Variants in C11orf65 observed in about 807,000 individuals in gnomAD.
C11orf65 encodes the protein chromosome 11 open reading frame 65, also known as protein MFI.
In C11orf65, 38 loss-of-function variants were observed where a neutral mutation model predicts 35.3. The observed-to-expected ratio is 1.08, with a 90% confidence interval of 0.83 to 1.41. The LOEUF is 1.41. Among genes scored for constraint, C11orf65 ranks in the 40% most tolerant of loss-of-function variants. The probability of loss-of-function intolerance (pLI) is 0.00; values close to 1 mark genes in which losing one functional copy is unlikely to be tolerated. For synonymous variants in C11orf65, 105 were observed against 114.4 expected (o/e 0.92, Z 0.53); for missense variants, 370 against 367.1 (o/e 1.01, Z -0.06).
At chr11:108,335,225 A>G (rs1446951322) in exon 3 of C11orf65, 1 of 1,567,856 alleles carries the variant, frequency 6.4e-7, no homozygotes, top group Admixed American at 1.8e-5. Flanking sequence ...CTTACAAATG[A>G]GGAAGATTTG....
intron 3 of C11orf65, among the ~76,000 whole-genome samples, chr11:108,412,485 A>T (rs2092675430): frequency 6.6e-6 from 1 of 152,202 alleles, no homozygotes; most frequent in African/African-American, 2.4e-5. Flanking sequence ...TCCACAAGCA[A>T]CCCACTTTAA....
At chr11:108,384,089 T>C (rs145200217) in intron 8 of C11orf65, among the ~76,000 whole-genome samples, 37 of 152,302 alleles carry the variant, frequency 2.4e-4, no homozygotes, top group African/African-American at 8.4e-4. Flanking sequence ...CTTGAACTCT[T>C]TGCCTCAAGT....
chr11:108,406,549 A>G (rs1234889511), intron 5 of C11orf65, among the ~76,000 whole-genome samples: 2 of 152,228 alleles, frequency 1.3e-5, no homozygotes, highest in African/African-American at 4.8e-5. Flanking sequence ...TTCAAAGCTG[A>G]TAATTAAAAG....
At chr11:108,371,125 G>A (rs1424941098) in intron 2 of C11orf65, among the ~76,000 whole-genome samples, 1 of 152,120 alleles carries the variant, frequency 6.6e-6, no homozygotes. Context: ...TTCCCATACT[G>A]GGACAGAAAC....
At chr11:108,388,409 A>C (rs1210433213) in intron 7 of C11orf65, among the ~76,000 whole-genome samples, 1 of 152,214 alleles carries the variant, frequency 6.6e-6, no homozygotes, top group East Asian at 1.9e-4. Context: ...TCACGAAGAA[A>C]TTTGTAGAAA....
intron 6 of C11orf65, among the ~76,000 whole-genome samples, chr11:108,324,982 T>C (rs938232162): frequency 1.3e-5 from 2 of 152,204 alleles, no homozygotes; most frequent in African/African-American, 4.8e-5. Flanking sequence ...AGGCATTCTT[T>C]ATGATAGGTC....
chr11:108,440,989 A>G (rs1024660403), intron 2 of C11orf65, among the ~76,000 whole-genome samples: 13 of 152,160 alleles, frequency 8.5e-5, no homozygotes, highest in Admixed American at 7.9e-4. Flanking sequence ...CAGTGGGTGC[A>G]GCCCAAGGAG....
intron 2 of C11orf65, among the ~76,000 whole-genome samples, chr11:108,359,136 G>A (rs1439208857): frequency 1.3e-5 from 2 of 149,588 alleles, no homozygotes; most frequent in Admixed American, 6.7e-5. Flanking sequence ...AAAAGGCAGG[G>A]GTTGCAATCC....
At chr11:108,424,956 A>G (rs1318164543) in intron 3 of C11orf65, among the ~76,000 whole-genome samples, 1 of 152,218 alleles carries the variant, frequency 6.6e-6, no homozygotes, top group African/African-American at 2.4e-5. Flanking sequence ...TTTGAAACCA[A>G]TGAGAACAAA....
At chr11:108,397,727 C>T (rs536853255) in intron 6 of C11orf65, among the ~76,000 whole-genome samples, 2 of 152,256 alleles carry the variant, frequency 1.3e-5, no homozygotes, top group Admixed American at 1.3e-4. Flanking sequence ...TTCTCATTCA[C>T]CCCCTGCAAC....
rs916783998 is a variant in C11orf65, at chr11:108,347,221, A to G, written c.227-11929T>C. ...AGTGGTCTTAATTGAAATTATGGCT[A>G]TATATTAGAAAGAGATGGAATCAGT... On this transcript the variant is annotated intron_variant, in intron 2 of 3. Coordinates refer to the C11orf65 transcript ENST00000524755. The G allele has an allele frequency of 4.7e-6, 6 of 1,268,728 alleles. No homozygotes were observed. The East Asian group carries it at 7.0e-5, about 15-fold the overall frequency. 78.6% of individuals were successfully genotyped at this position (1,268,728 alleles called of 1,614,324 possible).
At chr11:108,457,861 A>C (rs1365230415) in intron 2 of C11orf65, among the ~76,000 whole-genome samples, 2 of 152,158 alleles carry the variant, frequency 1.3e-5, no homozygotes, top group African/African-American at 4.8e-5. Flanking sequence ...ATGTGCTAAA[A>C]CTATGCATCC....
At chr11:108,317,640 TATATATATATATAC>T (rs1227322247) in intron 6 of C11orf65, 197 of 175,956 alleles carry the variant, frequency 1.1e-3, no homozygotes, top group African/African-American at 5.6e-3. Flanking sequence ...TATATATATA[TATATATATATATAC>T]ACACACACAC....
downstream of C11orf65, among the ~76,000 whole-genome samples, chr11:108,381,278 A>G (rs1409896848): frequency 6.6e-6 from 1 of 152,166 alleles, no homozygotes; most frequent in Non-Finnish European, 1.5e-5. Flanking sequence ...TGTTCCTACA[A>G]GTTGAGACTC....
upstream of C11orf65, among the ~76,000 whole-genome samples, chr11:108,469,336 A>T (rs1361080037): frequency 1.3e-5 from 2 of 151,952 alleles, no homozygotes; most frequent in South Asian, 2.1e-4. Flanking sequence ...CAATTTAAAA[A>T]TTTTAAATTA....
chr11:108,320,189 G>A (rs2085101115), intron 6 of C11orf65: 1 of 711,636 alleles, frequency 1.4e-6, no homozygotes, highest in Non-Finnish European at 2.4e-6. Flanking sequence ...GCTGTGATCA[G>A]ATGTTTCCTT....
chr11:108,422,105 T>C (rs1292188223), intron 3 of C11orf65, among the ~76,000 whole-genome samples: 1 of 152,036 alleles, frequency 6.6e-6, no homozygotes. Context: ...AATTTTTGTA[T>C]TTTTAGTAGA....
intron 6 of C11orf65, among the ~76,000 whole-genome samples, chr11:108,399,273 G>C (rs191025666): frequency 1.3e-5 from 2 of 152,280 alleles, no homozygotes; most frequent in East Asian, 3.9e-4. Flanking sequence ...TCCATTATGA[G>C]TATACCTCTA....
intron 2 of C11orf65, among the ~76,000 whole-genome samples, chr11:108,457,816 T>A (rs1010705897): frequency 1.3e-5 from 2 of 152,226 alleles, no homozygotes; most frequent in Non-Finnish European, 2.9e-5. Flanking sequence ...TACATTACTA[T>A]AACTATGCAA....
Sources: allele counts gnomAD v4.1 joint callset (sites outside exome capture counted in the v4.1 genomes callset), GRCh38; gene constraint gnomAD v4.1.1; transcripts MANE v1.5; gene names NCBI Gene and HGNC (gene_info 2026-07-23, HGNC 2026-07-21).